CNTNAP2: variants seen among roughly 807,000 people sequenced by gnomAD.
CNTNAP2 encodes the protein contactin associated protein 2.
In CNTNAP2, 98 loss-of-function variants were observed where a neutral mutation model predicts 155.2. That is an observed-to-expected ratio of 0.63 (90% confidence interval 0.54 to 0.75). CNTNAP2 has a LOEUF of 0.75. Among genes scored for constraint, CNTNAP2 ranks in the 30% least tolerant of loss-of-function variants. The pLI is 0.00. For synonymous variants in CNTNAP2, 651 were observed against 631.2 expected (o/e 1.03, Z -0.47); for missense variants, 1,727 against 1,688.1 (o/e 1.02, Z -0.40).
chr7:146,306,868 A>G (rs1402676293), intron 1 of CNTNAP2, among the ~76,000 whole-genome samples: 1 of 152,156 alleles, frequency 6.6e-6, no homozygotes, highest in Non-Finnish European at 1.5e-5. Context: ...ACCCACAGCC[A>G]ATATCATACT....
chr7:148,354,661 G>A (rs13243241), intron 21 of CNTNAP2, among the ~76,000 whole-genome samples: 99,156 of 151,076 alleles, frequency 0.66, 33,127 homozygotes, highest in East Asian at 0.94. Flanking sequence ...CCTTCCCTGG[G>A]ACAACTTCCC....
At chr7:147,502,036 T>C (rs28587035) in intron 11 of CNTNAP2, among the ~76,000 whole-genome samples, 21,701 of 152,110 alleles carry the variant, frequency 0.14, 1,694 homozygotes, top group East Asian at 0.29. Context: ...GATCCATACA[T>C]TGATACCATG....
chr7:146,642,752 T>G (rs1487939685), intron 1 of CNTNAP2, among the ~76,000 whole-genome samples: 1 of 151,652 alleles, frequency 6.6e-6, no homozygotes, highest in African/African-American at 2.4e-5. Context: ...CCACAATGGT[T>G]GAACTAGTTT....
intron 1 of CNTNAP2, among the ~76,000 whole-genome samples, chr7:146,294,131 G>A (rs957213930): frequency 4.7e-4 from 71 of 152,144 alleles, no homozygotes; most frequent in African/African-American, 1.6e-3. Context: ...CAGACAATTC[G>A]ACAGAATCAC....
At chr7:147,808,118 T>C (rs1798122942) in intron 13 of CNTNAP2, among the ~76,000 whole-genome samples, 2 of 152,132 alleles carry the variant, frequency 1.3e-5, no homozygotes, top group Non-Finnish European at 2.9e-5. Context: ...CTTTCCTCTC[T>C]CTATATATAC....
chr7:147,077,057 T>C (rs1244311948), intron 4 of CNTNAP2, among the ~76,000 whole-genome samples: 1 of 152,162 alleles, frequency 6.6e-6, no homozygotes, highest in Non-Finnish European at 1.5e-5. Context: ...TTGAATTACT[T>C]AGAAAATATA....
At chr7:146,117,054 G>A (rs1797494783) in intron 1 of CNTNAP2, 81 bp downstream of exon 1, 1 of 1,144,970 alleles carries the variant, frequency 8.7e-7, no homozygotes, top group Non-Finnish European at 1.3e-6. Flanking sequence ...CAACTCCGAA[G>A]TGCATCGCAG....
intron 3 of CNTNAP2, among the ~76,000 whole-genome samples, chr7:146,904,303 C>T (rs1159232175): frequency 6.6e-6 from 1 of 152,134 alleles, no homozygotes; most frequent in Non-Finnish European, 1.5e-5. Flanking sequence ...TCAGATAGAA[C>T]ATCCCTGAAG....
At chr7:146,483,601 T>C (rs1797011940) in intron 1 of CNTNAP2, among the ~76,000 whole-genome samples, 1 of 150,734 alleles carries the variant, frequency 6.6e-6, no homozygotes, top group Non-Finnish European at 1.5e-5. Context: ...AGTTTATAGA[T>C]AATTCCAAGA....
chr7:146,480,904 G>T (rs1317178112), intron 1 of CNTNAP2, among the ~76,000 whole-genome samples: 2 of 151,116 alleles, frequency 1.3e-5, no homozygotes, highest in Non-Finnish European at 2.9e-5. Flanking sequence ...GAATGGTCTC[G>T]ATCCTGACCT....
intron 1 of CNTNAP2, among the ~76,000 whole-genome samples, chr7:146,191,672 T>C (rs1476674089): frequency 6.6e-6 from 1 of 152,172 alleles, no homozygotes; most frequent in Non-Finnish European, 1.5e-5. Flanking sequence ...GAATGCGTTC[T>C]CTTTCTCAGG....
At chr7:146,279,525 T>C (rs570056689) in intron 1 of CNTNAP2, among the ~76,000 whole-genome samples, 2 of 152,078 alleles carry the variant, frequency 1.3e-5, no homozygotes, top group Admixed American at 6.6e-5. Flanking sequence ...TGTATCCACA[T>C]TTATATCCAT....
chr7:146,669,038 T>C (rs1393454570), intron 1 of CNTNAP2, among the ~76,000 whole-genome samples: 3 of 152,194 alleles, frequency 2.0e-5, no homozygotes, highest in African/African-American at 7.2e-5. Context: ...ATTCTATAAA[T>C]ATCAAATAAA....
At chr7:146,822,215 G>T (rs563876080) in intron 2 of CNTNAP2, among the ~76,000 whole-genome samples, 23 of 151,802 alleles carry the variant, frequency 1.5e-4, no homozygotes, top group Admixed American at 1.1e-3. Flanking sequence ...GCAAACTATC[G>T]CAAGGACAAA....
In CNTNAP2 at chr7:147,848,935, G is replaced by A. The variant is rs184971542; in HGVS notation, c.2099-54630G>A. Reference sequence around the variant, plus strand: ...TTTCTCAAATAGTGAGATCAGAGTCGGAAAAGCCTTAACATCTCCATATTA... The same window carrying A: ...TTTCTCAAATAGTGAGATCAGAGTCAGAAAAGCCTTAACATCTCCATATTA... On this transcript the variant is annotated intron_variant, in intron 13 of 23. Coordinates refer to ENST00000361727, the MANE Select transcript of CNTNAP2 (RefSeq NM_014141.6). 1.2e-4 allele frequency among the ~76,000 whole-genome samples: 18 copies of A among 151,714 alleles called. No individual in the cohort carries two copies. The East Asian group carries it at 2.5e-3, about 21-fold the overall frequency.
Position 146,839,805 on chromosome 7 carries a change from A to G in CNTNAP2, c.303A>G (p.Gln101=), listed in dbSNP as rs763610274. Reference sequence around the variant, plus strand: ...AGCAGATCAGTGCCATTGCAACCCAAGGAAGGTATAGCAGCTCAGATTGGG... The same window carrying G: ...AGCAGATCAGTGCCATTGCAACCCAGGGAAGGTATAGCAGCTCAGATTGGG... ...NRKQISAIAT[Q]GRYSSSDWVT... is the part of the protein sequence containing the mutation. The change falls in exon 3 of 24, where the codon CAA becomes CAG. Residue 101 remains glutamine (Q), a synonymous_variant. Coordinates refer to ENST00000361727, the MANE Select transcript of CNTNAP2 (RefSeq NM_014141.6). 1.2e-6 allele frequency: 2 copies of G among 1,614,154 alleles called. No individual in the cohort carries two copies. The highest frequency in any genetic ancestry group is 1.7e-6 in the Non-Finnish European group (2 of 1,180,024).
intron 1 of CNTNAP2, among the ~76,000 whole-genome samples, chr7:146,153,005 G>A (rs938384764): frequency 7.2e-5 from 11 of 152,200 alleles, no homozygotes; most frequent in East Asian, 5.8e-4. Flanking sequence ...TTTCTTTGGC[G>A]TAAGTCACCT....
intron 9 of CNTNAP2, among the ~76,000 whole-genome samples, chr7:147,329,140 C>G (rs899832868): frequency 7.3e-5 from 11 of 151,520 alleles, no homozygotes; most frequent in Non-Finnish European, 1.6e-4. Flanking sequence ...GATTGAGCAC[C>G]CCCCCACACA....
At chr7:147,523,477 A>T (rs1011951909) in intron 11 of CNTNAP2, among the ~76,000 whole-genome samples, 11 of 152,222 alleles carry the variant, frequency 7.2e-5, no homozygotes, top group African/African-American at 2.4e-4. Flanking sequence ...CATGAATACC[A>T]GGAGTTGGGG....
Sources: gnomAD v4.1 joint callset for allele counts (sites outside exome capture counted in the v4.1 genomes callset) on GRCh38, gnomAD v4.1.1 for gene constraint, MANE v1.5 for transcripts, NCBI Gene and HGNC (gene_info 2026-07-23, HGNC 2026-07-21) for gene names.